The following DYNC2LI1 variants were observed in gnomAD, a reference collection of about 807,000 sequenced individuals.
DYNC2LI1 encodes dynein cytoplasmic 2 light intermediate chain 1.
In DYNC2LI1, 45 loss-of-function variants were observed where a neutral mutation model predicts 51.9. That is an observed-to-expected ratio of 0.87 (90% CI 0.68 to 1.11). DYNC2LI1 has a LOEUF of 1.11. DYNC2LI1 is among the 50% of genes most tolerant of loss of function. DYNC2LI1 has a pLI of 0.00. For synonymous variants in DYNC2LI1, 130 were observed against 137.8 expected (o/e 0.94, Z 0.40); for missense variants, 490 against 417.4 (o/e 1.17, Z -1.51).
chr2:43,775,809 T>C, intron 1 of DYNC2LI1: 1 of 261,772 alleles, frequency 3.8e-6, no homozygotes, highest in South Asian at 3.3e-5. Flanking sequence ...TGCCTCAGCC[T>C]CCTGAGTAGC....
At chr2:43,776,571 A>G (rs751500427) in intron 1 of DYNC2LI1, among the ~76,000 whole-genome samples, 3 of 152,236 alleles carry the variant, frequency 2.0e-5, no homozygotes, top group African/African-American at 4.8e-5. Flanking sequence ...TATCAATTTC[A>G]GTATTCTTCA....
the DYNC2LI1 span, chr2:43,823,049 G>A: frequency 4.8e-6 from 7 of 1,453,634 alleles, no homozygotes; most frequent in Admixed American, 1.2e-4. Flanking sequence ...GACCAGCTAG[G>A]GGGGTTCCCT....
At chr2:43,824,199 C>T in the DYNC2LI1 span, 22 of 1,614,030 alleles carry the variant, frequency 1.4e-5, no homozygotes, top group Non-Finnish European at 1.7e-5. Flanking sequence ...AGGCATTTCT[C>T]ACATTTGTGA....
In DYNC2LI1 at chr2:43,809,983, A is replaced by G. The variant is rs1666422944; in HGVS notation, c.*216A>G. 8.0e-7 allele frequency: 1 copy of G among 1,245,782 alleles called. No homozygotes were observed. Among genetic ancestry groups the G allele is most frequent in the African/African-American group, 1.5e-5 (1 of 64,736 alleles). 77.2% of individuals were successfully genotyped at this position (1,245,782 alleles called of 1,614,324 possible). On this transcript the variant is annotated 3_prime_UTR_variant, in exon 13 of 13. Transcript: ENST00000260605. ...AACCACGTGTAATTTTTTTTAAAATAAAAGAATCTTCTACTACCTACCTCT... is the reference window on the plus strand; with the variant it reads ...AACCACGTGTAATTTTTTTTAAAATGAAAGAATCTTCTACTACCTACCTCT...
the DYNC2LI1 span, among the ~76,000 whole-genome samples, chr2:43,826,870 G>C: frequency 3.3e-5 from 5 of 152,292 alleles, no homozygotes; most frequent in South Asian, 2.1e-4. Flanking sequence ...CTGAGAGAAG[G>C]CTGGTCAAAA....
chr2:43,797,374 G>C (rs1665906915), intron 8 of DYNC2LI1, among the ~76,000 whole-genome samples: 1 of 152,060 alleles, frequency 6.6e-6, no homozygotes, highest in Admixed American at 6.6e-5. Flanking sequence ...TTCAAAGAGG[G>C]AGTACATGTG....
the DYNC2LI1 span, chr2:43,824,051 T>A: frequency 2.5e-6 from 4 of 1,614,102 alleles, no homozygotes; most frequent in African/African-American, 2.7e-5. Flanking sequence ...AACAAACCCA[T>A]GATCAGATTC....
rs748351081 is a variant in DYNC2LI1 at position 43,794,668 on chromosome 2, C to T, written c.507+25C>T. On this transcript the variant is annotated intron_variant, in intron 6 of 12. Coordinates refer to ENST00000260605, the MANE Select transcript of DYNC2LI1 (RefSeq NM_016008.4). The stretch of plus-strand genomic sequence containing the variant: ...TGTGAGTTGCTGTTTGGGATTATTA[C>T]TGGAATCCTTAGTCCCATTTATAGT... 13 of 1,613,940 alleles carry T rather than the reference C, an allele frequency of 8.1e-6. No homozygotes were observed. In the South Asian group the frequency reaches 1.3e-4, roughly 16 times the overall value.
At chr2:43,778,028 A>G (rs993795953) in intron 2 of DYNC2LI1, among the ~76,000 whole-genome samples, 1 of 152,180 alleles carries the variant, frequency 6.6e-6, no homozygotes. Context: ...TTTGTTTTTA[A>G]TTTTTTTATT....
At chr2:43,799,753 G>T (rs1666012698) in intron 8 of DYNC2LI1, among the ~76,000 whole-genome samples, 1 of 152,164 alleles carries the variant, frequency 6.6e-6, no homozygotes, top group South Asian at 2.1e-4. Context: ...AAATATGTTT[G>T]TGATTAGGTT....
At chr2:43,820,229 C>A in the DYNC2LI1 span, 2 of 1,126,746 alleles carry the variant, frequency 1.8e-6, no homozygotes, top group Non-Finnish European at 2.6e-6. Context: ...AGCCACACTC[C>A]CCTTTGAAAG....
chr2:43,815,700 G>C, the DYNC2LI1 span, among the ~76,000 whole-genome samples: 1,263 of 152,238 alleles, frequency 8.3e-3, 19 homozygotes, highest in African/African-American at 0.029. Context: ...GGACTGACTG[G>C]ACCAGAAACA....
intron 2 of DYNC2LI1, among the ~76,000 whole-genome samples, chr2:43,783,282 C>G (rs1673379146): frequency 1.3e-5 from 2 of 152,184 alleles, no homozygotes; most frequent in South Asian, 2.1e-4. Flanking sequence ...TATTTGTCAT[C>G]TGTGGGACTT....
chr2:43,785,743 A>G lies in DYNC2LI1; in HGVS notation c.162-1438A>G, dbSNP rs1256027821. 7.2e-5 allele frequency among the ~76,000 whole-genome samples: 11 copies of G among 151,866 alleles called. No homozygotes were observed. In the East Asian group the frequency reaches 2.1e-3, roughly 29 times the overall value. On this transcript the variant is annotated intron_variant, in intron 3 of 12. Coordinates refer to ENST00000260605, the MANE Select transcript of DYNC2LI1 (RefSeq NM_016008.4). ...AATAAAATAAAATATATATAGTATG[A>G]TTCCACTTATATGAGATATCTAAAA...
intron 2 of DYNC2LI1, among the ~76,000 whole-genome samples, chr2:43,779,528 C>G (rs1673178904): frequency 6.6e-6 from 1 of 152,188 alleles, no homozygotes; most frequent in Non-Finnish European, 1.5e-5. Context: ...TGGGAAGCAA[C>G]TTGTGTATCA....
chr2:43,813,407 A>T, downstream of DYNC2LI1: 1 of 835,564 alleles, frequency 1.2e-6, no homozygotes, highest in South Asian at 1.4e-5. Context: ...CTTAATGAAA[A>T]ATACAGGACA....
chr2:43,776,943 A>G, intron 2 of DYNC2LI1, 44 bp downstream of exon 2: 1 of 995,532 alleles, frequency 1.0e-6, no homozygotes. Flanking sequence ...TTTAACAACC[A>G]TTGGTAAAAT....
intron 10 of DYNC2LI1, among the ~76,000 whole-genome samples, chr2:43,804,106 CCTTTTAATTCAATATACCA>C (rs1666160340): frequency 6.6e-6 from 1 of 152,108 alleles, no homozygotes; most frequent in African/African-American, 2.4e-5. Context: ...TTATTCAGTA[CCTTTTAATTCAATATACCA>C]ATATACCTTA....
the DYNC2LI1 span, chr2:43,824,856 A>G: frequency 5.6e-6 from 9 of 1,612,522 alleles, no homozygotes; most frequent in Non-Finnish European, 5.9e-6. Flanking sequence ...TTTAAAAAAC[A>G]TTCATGATGG....
Sources: allele counts gnomAD v4.1 joint callset (sites outside exome capture counted in the v4.1 genomes callset), GRCh38; gene constraint gnomAD v4.1.1; transcripts MANE v1.5; gene names NCBI Gene and HGNC (gene_info 2026-07-23, HGNC 2026-07-21).